The following GPC5 variants were observed in gnomAD, a reference collection of about 807,000 sequenced individuals.
GPC5 encodes glypican-5.
Under a neutral mutation model 53.9 loss-of-function variants are expected in GPC5, and 47 were observed. The ratio of observed to expected loss-of-function variants is 0.87; its 90% CI spans 0.69 to 1.11. The LOEUF (loss-of-function observed/expected upper bound fraction) is 1.11, where lower values mean the gene tolerates loss of function less well. Ranked by LOEUF, GPC5 falls within the 50% of genes most tolerant of loss-of-function variation. The probability of loss-of-function intolerance (pLI) is 0.00; values close to 1 mark genes in which losing one functional copy is unlikely to be tolerated. For missense variants in GPC5, 748 were observed against 713.1 expected (o/e 1.05, Z -0.56); for synonymous variants, 286 against 263.3 (o/e 1.09, Z -0.84).
chr13:92,266,889 T>C (rs1381398615), intron 7 of GPC5, among the ~76,000 whole-genome samples: 1 of 152,136 alleles, frequency 6.6e-6, no homozygotes, highest in Admixed American at 6.6e-5. Context: ...ACACAATTTT[T>C]TTTTTTTGTT....
Position 92,248,162 on chromosome 13 carries a change from T to A in GPC5, c.1561+103173T>A, listed in dbSNP as rs367649358. Among the ~76,000 whole-genome samples, 26 of 151,510 alleles carry A rather than the reference T, an allele frequency of 1.7e-4. 3 individuals carry two copies. Among genetic ancestry groups the A allele is most frequent in the African/African-American group, 6.1e-4 (25 of 41,244 alleles). On this transcript the variant is annotated intron_variant, in intron 7 of 7. Coordinates refer to ENST00000377067, the MANE Select transcript of GPC5 (RefSeq NM_004466.6). The stretch of plus-strand genomic sequence containing the variant: ...TGTAGATGAATACTGTACAATACTT[T>A]GACGGGTTGACAAAATGTAAAATAG...
At chr13:92,830,857 AAAAGAGTTCTCTCAG>A (rs2138820936) in intron 7 of GPC5, among the ~76,000 whole-genome samples, 1 of 152,286 alleles carries the variant, frequency 6.6e-6, no homozygotes, top group East Asian at 1.9e-4. Context: ...GGTAAATTGG[AAAAGAGTTCTCTCAG>A]AAAAGCAGAA....
At chr13:92,382,916 T>C (rs1295012380) in intron 7 of GPC5, among the ~76,000 whole-genome samples, 3 of 142,234 alleles carry the variant, frequency 2.1e-5, no homozygotes, top group East Asian at 2.1e-4. Flanking sequence ...GGCAGGAGAA[T>C]AGCGCGAACC....
At chr13:92,767,421 G>A (rs775059543) in intron 7 of GPC5, among the ~76,000 whole-genome samples, 4 of 152,040 alleles carry the variant, frequency 2.6e-5, no homozygotes, top group Non-Finnish European at 5.9e-5. Context: ...CAGTGAGCCG[G>A]GATCGCGCCA....
intron 7 of GPC5, among the ~76,000 whole-genome samples, chr13:92,430,014 A>T (rs1351230549): frequency 2.0e-5 from 3 of 152,074 alleles, no homozygotes. Flanking sequence ...GGTAACGCAT[A>T]TGTTATCTAG....
At chr13:92,406,794 G>A (rs1291682720) in intron 7 of GPC5, among the ~76,000 whole-genome samples, 1 of 152,096 alleles carries the variant, frequency 6.6e-6, no homozygotes, top group Non-Finnish European at 1.5e-5. Flanking sequence ...AAGTAGTCAG[G>A]TGAATATAAA....
chr13:92,429,726 A>T (rs1877002137), intron 7 of GPC5, among the ~76,000 whole-genome samples: 2 of 152,120 alleles, frequency 1.3e-5, no homozygotes, highest in Non-Finnish European at 2.9e-5. Flanking sequence ...GATGTGTATT[A>T]TACATTCTAA....
chr13:92,316,210 A>G (rs1338434769), intron 7 of GPC5, among the ~76,000 whole-genome samples: 1 of 152,150 alleles, frequency 6.6e-6, no homozygotes, highest in Non-Finnish European at 1.5e-5. Context: ...AATTATATAA[A>G]CTTAAAAAAA....
chr13:91,909,649 A>G (rs1034988805), intron 6 of GPC5, among the ~76,000 whole-genome samples: 3 of 152,214 alleles, frequency 2.0e-5, no homozygotes, highest in African/African-American at 7.2e-5. Context: ...TATGCACAGG[A>G]TGAAAGCAGA....
At chr13:91,580,584 G>A (rs760775643) in intron 2 of GPC5, among the ~76,000 whole-genome samples, 3 of 152,048 alleles carry the variant, frequency 2.0e-5, no homozygotes, top group Non-Finnish European at 4.4e-5. Flanking sequence ...ATCATAAGCA[G>A]GTTTTTAAAT....
At chr13:92,505,759 A>G (rs1315660031) in intron 7 of GPC5, among the ~76,000 whole-genome samples, 1 of 152,184 alleles carries the variant, frequency 6.6e-6, no homozygotes, top group Admixed American at 6.5e-5. Flanking sequence ...TCCCGACTAT[A>G]GAATACTACT....
At chr13:92,585,938 A>C (rs1004285927) in intron 7 of GPC5, among the ~76,000 whole-genome samples, 8 of 152,172 alleles carry the variant, frequency 5.3e-5, no homozygotes, top group Non-Finnish European at 1.0e-4. Flanking sequence ...GTGCAACTGT[A>C]AGTCCAGTTA....
chr13:92,658,559 C>A (rs1886215651), intron 7 of GPC5, among the ~76,000 whole-genome samples: 1 of 152,128 alleles, frequency 6.6e-6, no homozygotes, highest in African/African-American at 2.4e-5. Context: ...TTGTGTAATA[C>A]AATATTTAAA....
rs563273456 is a variant in GPC5, at chr13:92,628,307, G to T, written c.1562-237975G>T. Among the ~76,000 whole-genome samples, 12 of 55,436 alleles carry T rather than the reference G, an allele frequency of 2.2e-4. No homozygotes were observed. The South Asian group carries it at 5.0e-3, about 23-fold the overall frequency. The allele number at this position is 55,436 out of a possible 152,430, so 36.4% of individuals were successfully genotyped here. A position where few individuals can be genotyped will look rare whatever the true frequency, so the allele number is the denominator to read the frequency against. On this transcript the variant is annotated intron_variant, in intron 7 of 7. Coordinates refer to ENST00000377067, the MANE Select transcript of GPC5 (RefSeq NM_004466.6). ...TTTTTTTTTTTTGAGATGTAGTCTC[G>T]CTCTGTCACCCAGGCTGGAGTGCAG... is the stretch of plus-strand genomic sequence containing the variant.
chr13:91,519,386 A>AC (rs144285370), intron 2 of GPC5, among the ~76,000 whole-genome samples: 1,853 of 152,008 alleles, frequency 0.012, 40 homozygotes, highest in African/African-American at 0.041. Flanking sequence ...TTGAATTATG[A>AC]CCCCCCAGTG....
intron 5 of GPC5, among the ~76,000 whole-genome samples, chr13:91,768,531 G>T (rs1209871499): frequency 4.6e-5 from 7 of 151,934 alleles, no homozygotes; most frequent in Non-Finnish European, 8.8e-5. Context: ...GGAAAATAAA[G>T]AAATAAAAAT....
intron 6 of GPC5, among the ~76,000 whole-genome samples, chr13:91,985,009 C>T (rs1162667183): frequency 6.6e-6 from 1 of 152,144 alleles, no homozygotes; most frequent in Non-Finnish European, 1.5e-5. Flanking sequence ...TACATTCTGT[C>T]ATTAGTGATA....
intron 7 of GPC5, among the ~76,000 whole-genome samples, chr13:92,365,660 T>A (rs2043601837): frequency 6.6e-6 from 1 of 151,186 alleles, no homozygotes; most frequent in South Asian, 2.1e-4. Context: ...AAATTTTTTC[T>A]TTTCTTTTTT....
Position 92,866,683 on chromosome 13 carries a change from T to C in GPC5, c.*244T>C, listed in dbSNP as rs1194348928. On this transcript the variant is annotated 3_prime_UTR_variant, in exon 8 of 8. Transcript: ENST00000377067. ...AAAACCTTCTTAACTTCTAATATAT[T>C]AAATCTGAAGATGTGAAGGGCACAG... 1 of 285,068 alleles carries C rather than the reference T, an allele frequency of 3.5e-6. No individual in the cohort carries two copies. The highest frequency in any genetic ancestry group is 5.1e-5 in the Admixed American group (1 of 19,438). The allele number at this position is 285,068 out of a possible 1,614,324, so 17.7% of individuals were successfully genotyped here.
Sources: allele counts gnomAD v4.1 joint callset (sites outside exome capture counted in the v4.1 genomes callset), GRCh38; gene constraint gnomAD v4.1.1; transcripts MANE v1.5; gene names NCBI Gene and HGNC (gene_info 2026-07-23, HGNC 2026-07-21).